MYH3: variants seen among roughly 807,000 people sequenced by gnomAD.
The protein encoded by MYH3 is myosin-3.
Under a neutral mutation model 238.0 loss-of-function variants are expected in MYH3, and 130 were observed. The ratio of observed to expected loss-of-function variants is 0.55; its 90% CI spans 0.47 to 0.63. MYH3 has a LOEUF of 0.63. Ranked by LOEUF, MYH3 falls within the 30% of genes least tolerant of loss-of-function variation. The pLI, the probability that MYH3 is intolerant of heterozygous loss-of-function variation, is 0.00. For missense variants in MYH3, 1,853 were observed against 2,374.9 expected, an observed-to-expected ratio of 0.78 and a Z score of 4.57; for synonymous variants, 880 against 924.1, an observed-to-expected ratio of 0.95 and a Z score of 0.86.
In MYH3 at chr17:10,637,891, A is replaced by C. The variant is rs2074230084; in HGVS notation, c.3774T>G (p.Ser1258Arg). ...TTTCCTCATTCTTGCCCCTGGCCTC[A>C]CTTAACTGATCCTCCAGGGTTCGGC... is the stretch of plus-strand genomic sequence containing the variant. The part of the protein sequence containing the change: ...KICRTLEDQL[S>R]EARGKNEEIQ... The change falls in exon 28 of 41, where the codon AGT becomes AGG. Residue 1258 changes from serine (S) to arginine (R), a missense_variant. Ser to Arg is a moderately radical substitution (Grantham distance 110). Transcript: ENST00000583535. The C allele has an allele frequency of 6.2e-7, 1 of 1,613,886 alleles. No homozygotes were observed. Among genetic ancestry groups the C allele is most frequent in the Non-Finnish European group, 8.5e-7 (1 of 1,180,016 alleles).
At chr17:10,634,801 A>C (rs373299171) in intron 31 of MYH3, 39 bp downstream of exon 31, 1 of 1,611,860 alleles carries the variant, frequency 6.2e-7, no homozygotes, top group Non-Finnish European at 8.5e-7. Flanking sequence ...GGAATCCCTT[A>C]CATCATGGCA....
chr17:10,676,698 C>T, the MYH3 span: 1 of 152,180 alleles, frequency 6.6e-6, no homozygotes, highest in Admixed American at 6.5e-5. Context: ...TTAGCATCCT[C>T]ATGTTGAAGA....
the MYH3 span, among the ~76,000 whole-genome samples, chr17:10,669,289 A>G: frequency 6.6e-5 from 10 of 152,166 alleles, no homozygotes; most frequent in Non-Finnish European, 7.3e-5. Flanking sequence ...GCGGTGGCTC[A>G]CACCTGTAAT....
At chr17:10,648,485 C>CT in intron 8 of MYH3, 72 bp downstream of exon 8, 1 of 1,287,038 alleles carries the variant, frequency 7.8e-7, no homozygotes, top group Non-Finnish European at 1.1e-6. Flanking sequence ...TCTCTACACT[C>CT]TTTGAGGACA....
the MYH3 span, chr17:10,674,594 C>T: frequency 6.3e-6 from 1 of 158,008 alleles, no homozygotes; most frequent in African/African-American, 2.4e-5. Context: ...AGCTTTGCTA[C>T]AAACTTGTAG....
upstream of MYH3, among the ~76,000 whole-genome samples, chr17:10,657,718 T>G (rs1190750786): frequency 6.6e-6 from 1 of 152,164 alleles, no homozygotes; most frequent in Non-Finnish European, 1.5e-5. Context: ...TATGGAAAAG[T>G]GAATAAGACT....
At chr17:10,659,392 TA>T (rs1199410520), upstream of MYH3, among the ~76,000 whole-genome samples, 1 of 152,216 alleles carries the variant, frequency 6.6e-6, no homozygotes, top group East Asian at 1.9e-4. Context: ...CAAACAAATA[TA>T]AGTGAATCTA....
In MYH3 at chr17:10,649,692, A is replaced by G; in HGVS notation, c.534-7T>C. 9 of 1,612,798 alleles carry G rather than the reference A, an allele frequency of 5.6e-6. No individual in the cohort carries two copies. Among genetic ancestry groups the G allele is most frequent in the African/African-American group, 1.3e-5 (1 of 75,032 alleles). On this transcript the variant is annotated splice_region_variant and splice_polypyrimidine_tract_variant and intron_variant, in intron 6 of 40. Coordinates refer to ENST00000583535, the MANE Select transcript of MYH3 (RefSeq NM_002470.4). ...TCCTGCCCCGGATTCTCCGCTGTAC[A>G]GAGTGATCAAAAGAGAGAGAAAGAA...
At chr17:10,661,734 T>C (rs1326519780), upstream of MYH3, among the ~76,000 whole-genome samples, 1 of 152,194 alleles carries the variant, frequency 6.6e-6, no homozygotes, top group Non-Finnish European at 1.5e-5. Flanking sequence ...CGCAGCATCA[T>C]GCCCAGGACC....
At chr17:10,677,487 GA>G in the MYH3 span, 3 of 152,184 alleles carry the variant, frequency 2.0e-5, no homozygotes. Context: ...TGGATGATTT[GA>G]AAATATTAAT....
chr17:10,660,294 G>T (rs1379756361), upstream of MYH3, among the ~76,000 whole-genome samples: 1 of 152,148 alleles, frequency 6.6e-6, no homozygotes, highest in Non-Finnish European at 1.5e-5. Flanking sequence ...CAGTGTGACT[G>T]GTTTTCTTAA....
intron 10 of MYH3, among the ~76,000 whole-genome samples, chr17:10,646,660 C>T (rs1330029714): frequency 6.6e-6 from 1 of 152,190 alleles, no homozygotes; most frequent in Non-Finnish European, 1.5e-5. Context: ...TAAACCAGAG[C>T]TGGTCAGGAG....
intron 6 of MYH3, among the ~76,000 whole-genome samples, 192 bp downstream of exon 6, chr17:10,650,182 A>G (rs967707061): frequency 1.3e-5 from 2 of 151,950 alleles, no homozygotes; most frequent in African/African-American, 4.8e-5. Flanking sequence ...TCACCGTGTT[A>G]GCCAGGATGG....
Position 10,631,954 on chromosome 17 carries a change from C to T in MYH3, c.5019G>A (p.Ala1673=), listed in dbSNP as rs755587478. The change falls in exon 35 of 41, where the codon GCG becomes GCA. Residue 1673 remains alanine (A), a synonymous_variant. Transcript: ENST00000583535. ...GCAGGTTGGCTCTGCGCTCCACAATCGCCAGCTGCTCCTTCAGGTCCTCCT... is the reference window on the plus strand; with the variant it reads ...GCAGGTTGGCTCTGCGCTCCACAATTGCCAGCTGCTCCTTCAGGTCCTCCT... ...RGQEDLKEQL[A]IVERRANLLQ... The T allele has an allele frequency of 8.1e-6, 13 of 1,613,924 alleles. No homozygotes were observed. Among genetic ancestry groups the T allele is most frequent in the Non-Finnish European group, 1.0e-5 (12 of 1,180,048 alleles).
intron 1 of MYH3, among the ~76,000 whole-genome samples, chr17:10,656,704 C>T (rs2142435112): frequency 6.6e-6 from 1 of 152,272 alleles, no homozygotes; most frequent in Admixed American, 6.5e-5. Flanking sequence ...TTCAGTCTTC[C>T]TCACTCCCAT....
At position 10,644,647 on chromosome 17, in the gene MYH3, A is replaced by G; in HGVS notation, c.1197T>C (p.Ala399=). ...CAACTTTCACTCTAGGAAAGCACAAAGCTTTTAGGAGGTCCGAAGAGTTCA... is the reference window on the plus strand; with the variant it reads ...CAACTTTCACTCTAGGAAAGCACAAGGCTTTTAGGAGGTCCGAAGAGTTCA... ...MGLNSSDLLK[A]LCFPRVKVGN... Residue 399 remains alanine (A), a synonymous_variant, in exon 13 of 41, where the codon GCT becomes GCC. Coordinates refer to ENST00000583535, the MANE Select transcript of MYH3 (RefSeq NM_002470.4). The G allele has an allele frequency of 6.2e-7, 1 of 1,614,108 alleles. No homozygotes were observed. Among genetic ancestry groups the G allele is most frequent in the Non-Finnish European group, 8.5e-7 (1 of 1,180,034 alleles).
chr17:10,659,157 T>C (rs898295942), upstream of MYH3: 2 of 152,122 alleles, frequency 1.3e-5, no homozygotes, highest in African/African-American at 4.8e-5. Context: ...CTTTTTCCCT[T>C]TTGCAGTGAC....
intron 4 of MYH3, 29 bp downstream of exon 4, chr17:10,652,391 G>A (rs1457432615): frequency 1.9e-6 from 3 of 1,612,738 alleles, no homozygotes; most frequent in Admixed American, 3.3e-5. Context: ...TAATGCCCCA[G>A]GGAAACCACG....
Position 10,631,508 on chromosome 17 carries a change from G to T in MYH3, c.5286+103C>A. On this transcript the variant is annotated intron_variant, in intron 36 of 40. Transcript: ENST00000583535. ...TGGGAGCCCTCGGGGAGCAGAATGTGCACCAGGTGTGGCTGGGGGAGACCG... is the reference window on the plus strand; with the variant it reads ...TGGGAGCCCTCGGGGAGCAGAATGTTCACCAGGTGTGGCTGGGGGAGACCG... The T allele has an allele frequency of 2.6e-6, 4 of 1,554,582 alleles. No individual in the cohort carries two copies. The highest frequency in any genetic ancestry group is 3.5e-6 in the Non-Finnish European group (4 of 1,132,426).
Sources: allele counts gnomAD v4.1 joint callset (sites outside exome capture counted in the v4.1 genomes callset), GRCh38; gene constraint gnomAD v4.1.1; transcripts MANE v1.5; gene names NCBI Gene and HGNC (gene_info 2026-07-23, HGNC 2026-07-21).